SLIT2: variants seen among roughly 807,000 people sequenced by gnomAD.
The protein encoded by SLIT2 is slit guidance ligand 2.
Under a neutral mutation model 185.7 loss-of-function variants are expected in SLIT2, and 41 were observed. That is an observed-to-expected ratio of 0.22 (90% CI 0.17 to 0.29). The LOEUF (loss-of-function observed/expected upper bound fraction) is 0.29. Ranked by LOEUF, SLIT2 falls within the 10% of genes least tolerant of loss-of-function variation. SLIT2 has a pLI of 1.00. For synonymous variants in SLIT2, 693 were observed against 680.2 expected (o/e 1.02, Z -0.29); for missense variants, 1,571 against 1,909.0 (o/e 0.82, Z 3.30).
rs546703036 is a variant in SLIT2 at position 20,493,296 on chromosome 4, A to T, written c.914+1397A>T. ...ATTTTAAAACTACAGATTACTGAAG[A>T]TGTTGACACTTGATGGGAAGATATT... On this transcript the variant is annotated intron_variant, in intron 9 of 36. Coordinates refer to ENST00000504154, the MANE Select transcript of SLIT2 (RefSeq NM_004787.4). Among the ~76,000 whole-genome samples the T allele has an allele frequency of 1.3e-3, 198 of 152,208 alleles. 1 individual carries two copies. Among genetic ancestry groups the T allele is most frequent in the African/African-American group, 4.4e-3 (181 of 41,580 alleles).
chr4:20,273,485 T>C (rs1027370987), intron 4 of SLIT2, among the ~76,000 whole-genome samples: 6 of 152,032 alleles, frequency 3.9e-5, no homozygotes, highest in African/African-American at 1.4e-4. Flanking sequence ...TAAATCTCTG[T>C]TGGGTTCAGG....
chr4:20,606,376 G>A (rs980029082), intron 33 of SLIT2, among the ~76,000 whole-genome samples: 1 of 151,966 alleles, frequency 6.6e-6, no homozygotes, highest in African/African-American at 2.4e-5. Context: ...TAGCTACTTA[G>A]GAAGCTGAGG....
At chr4:20,610,575 C>T (rs778323936) in intron 34 of SLIT2, among the ~76,000 whole-genome samples, 16 of 152,244 alleles carry the variant, frequency 1.1e-4, no homozygotes, top group Non-Finnish European at 2.2e-4. Flanking sequence ...GATGACCCCA[C>T]CCCAGCTCCC....
intron 29 of SLIT2, among the ~76,000 whole-genome samples, chr4:20,588,315 C>T (rs960486167): frequency 3.9e-5 from 6 of 152,252 alleles, no homozygotes; most frequent in South Asian, 2.1e-4. Flanking sequence ...ATTTGCATCA[C>T]GGGAAAAGAC....
intron 4 of SLIT2, among the ~76,000 whole-genome samples, chr4:20,277,474 T>C (rs1714281022): frequency 6.6e-6 from 1 of 151,828 alleles, no homozygotes; most frequent in South Asian, 2.1e-4. Context: ...AAACAGTATA[T>C]AAATATGATT....
chr4:20,340,158 TG>T (rs1168043955), intron 4 of SLIT2, among the ~76,000 whole-genome samples: 9 of 152,234 alleles, frequency 5.9e-5, no homozygotes, highest in African/African-American at 1.9e-4. Context: ...TGAGATGTTT[TG>T]ATACAGGCAT....
rs1721521704 is a variant in SLIT2, at chr4:20,528,759, T to C, written c.1463-190T>C. 6.6e-6 allele frequency among the ~76,000 whole-genome samples: 1 copy of C among 152,204 alleles called. No homozygotes were observed. Among genetic ancestry groups the C allele is most frequent in the African/African-American group, 2.4e-5 (1 of 41,450 alleles). ...TTAATGTTTTCCTGTCATGTGAATC[T>C]GGTCACTCTTTTTTCCAGAAAATTC... On this transcript the variant is annotated intron_variant, in intron 15 of 36. Coordinates refer to ENST00000504154, the MANE Select transcript of SLIT2 (RefSeq NM_004787.4). This position sits in a 1 kb window ranked among gnomAD's most constrained non-coding sequence, Gnocchi z 4.2.
Position 20,484,039 on chromosome 4 carries a change from T to C in SLIT2, c.540-2161T>C, listed in dbSNP as rs1375939873. ...ATAATGTATTCCTTTAGTTGCATTA[T>C]GTGAACTAACATTTTGAGAAAAGAC... On this transcript the variant is annotated intron_variant, in intron 6 of 36. Transcript: ENST00000504154. The surrounding 1 kb of genome is among the most constrained non-coding windows in gnomAD (Gnocchi z 4.3). Among the ~76,000 whole-genome samples the C allele has an allele frequency of 6.6e-6, 1 of 152,100 alleles. No individual in the cohort carries two copies. The highest frequency in any genetic ancestry group is 1.5e-5 in the Non-Finnish European group (1 of 67,986).
At chr4:20,459,832 G>A (rs1222284237) in intron 4 of SLIT2, among the ~76,000 whole-genome samples, 1 of 149,734 alleles carries the variant, frequency 6.7e-6, no homozygotes, top group Non-Finnish European at 1.5e-5. Context: ...AGTGTCCCTT[G>A]CCTTACATCT....
chr4:20,361,020 C>T (rs1722692931), intron 4 of SLIT2, among the ~76,000 whole-genome samples: 1 of 152,138 alleles, frequency 6.6e-6, no homozygotes, highest in South Asian at 2.1e-4. Context: ...CTAATCAGAG[C>T]TGATTAACAA....
chr4:20,315,699 C>A (rs1718515697), intron 4 of SLIT2, among the ~76,000 whole-genome samples: 1 of 151,938 alleles, frequency 6.6e-6, no homozygotes, highest in Non-Finnish European at 1.5e-5. Context: ...TTTAGGGTAG[C>A]ATTGGCATAT....
At chr4:20,372,134 G>A (rs991526988) in intron 4 of SLIT2, among the ~76,000 whole-genome samples, 5 of 152,030 alleles carry the variant, frequency 3.3e-5, no homozygotes, top group South Asian at 2.1e-4. Flanking sequence ...TTATAGGTAC[G>A]ACACATTATG....
At chr4:20,264,397 TA>T (rs1447689317) in intron 3 of SLIT2, among the ~76,000 whole-genome samples, 1 of 151,782 alleles carries the variant, frequency 6.6e-6, no homozygotes, top group Non-Finnish European at 1.5e-5. Context: ...AGCACGCTGC[TA>T]AAAACACCTT....
intron 3 of SLIT2, among the ~76,000 whole-genome samples, chr4:20,264,197 T>C (rs1291954667): frequency 6.6e-6 from 1 of 151,890 alleles, no homozygotes; most frequent in Admixed American, 6.6e-5. Flanking sequence ...TAATACAAAA[T>C]AAATTTTAAA....
chr4:20,337,292 CA>C (rs1720587122), intron 4 of SLIT2, among the ~76,000 whole-genome samples: 2 of 152,094 alleles, frequency 1.3e-5, no homozygotes, highest in South Asian at 4.1e-4. Context: ...TGGCAGCAGG[CA>C]AAGAGAAAGC....
chr4:20,328,590 G>GA (rs555473204), intron 4 of SLIT2, among the ~76,000 whole-genome samples: 101 of 148,864 alleles, frequency 6.8e-4, no homozygotes, highest in African/African-American at 1.7e-3. Flanking sequence ...TTTACAATTT[G>GA]AAAAAAAAAA....
At chr4:20,374,437 T>G in intron 4 of SLIT2, among the ~76,000 whole-genome samples, 1 of 152,118 alleles carries the variant, frequency 6.6e-6, no homozygotes. Flanking sequence ...ACTTTTTATC[T>G]AGATTGTCAT....
At chr4:20,389,829 A>G (rs1560380416) in intron 4 of SLIT2, among the ~76,000 whole-genome samples, 1 of 152,124 alleles carries the variant, frequency 6.6e-6, no homozygotes, top group South Asian at 2.1e-4. Context: ...ATCATTAGCA[A>G]TGGAGGCTCT....
At chr4:20,358,307 A>G (rs1207375042) in intron 4 of SLIT2, among the ~76,000 whole-genome samples, 1 of 152,170 alleles carries the variant, frequency 6.6e-6, no homozygotes, top group Admixed American at 6.6e-5. Flanking sequence ...GAGCAAAGCA[A>G]AAGAATAAAG....
Sources: allele counts gnomAD v4.1 joint callset (sites outside exome capture counted in the v4.1 genomes callset), GRCh38; gene constraint gnomAD v4.1.1; non-coding constraint Gnocchi (gnomAD v3.1); transcripts MANE v1.5; gene names NCBI Gene and HGNC (gene_info 2026-07-23, HGNC 2026-07-21).